The following SCUBE1 variants were observed in gnomAD, a reference collection of about 807,000 sequenced individuals.
The protein encoded by SCUBE1 is signal peptide, CUB domain and EGF like domain containing 1.
In SCUBE1, 59 loss-of-function variants were observed where a neutral mutation model predicts 124.4. The observed-to-expected ratio is 0.47, with a 90% CI of 0.38 to 0.59. The LOEUF (loss-of-function observed/expected upper bound fraction) is 0.59. Among genes scored for constraint, SCUBE1 ranks in the 20% least tolerant of loss-of-function variants. SCUBE1 has a pLI of 0.00. For missense variants in SCUBE1, 1,150 were observed against 1,371.2 expected, an observed-to-expected ratio of 0.84 and a Z score of 2.55; for synonymous variants, 545 against 550.9, an observed-to-expected ratio of 0.99 and a Z score of 0.15.
intron 4 of SCUBE1, among the ~76,000 whole-genome samples, chr22:43,268,338 C>T (rs12484304): frequency 0.12 from 18,521 of 152,284 alleles, 1,378 homozygotes; most frequent in East Asian, 0.26. Flanking sequence ...GAGGCAAGTT[C>T]AGCAGAGAGC....
chr22:43,311,935 A>G (rs1037933088), intron 3 of SCUBE1, among the ~76,000 whole-genome samples: 3 of 152,108 alleles, frequency 2.0e-5, no homozygotes, highest in Non-Finnish European at 2.9e-5. Context: ...CCTGAGTAAG[A>G]CTTAGGCAAA....
Position 43,220,633 on chromosome 22 carries a change from G to A in SCUBE1, c.1550-46C>T. On this transcript the variant is annotated intron_variant, in intron 13 of 21. Transcript: ENST00000360835. ...TGTGGCAAAGGCGGCATGGGGCAGG[G>A]AGCAAGGTCCTACCAAGCCCTGCAT... 3 of 1,601,856 alleles carry A rather than the reference G, an allele frequency of 1.9e-6. No individual in the cohort carries two copies. In the South Asian group the frequency reaches 3.3e-5, roughly 18 times the overall value.
At chr22:43,331,294 C>G (rs1480490498) in intron 2 of SCUBE1, among the ~76,000 whole-genome samples, 1 of 152,012 alleles carries the variant, frequency 6.6e-6, no homozygotes, top group East Asian at 1.9e-4. Context: ...ATCTGATGGC[C>G]ATAAGGTTGT....
Position 43,303,444 on chromosome 22 carries a change from C to T in SCUBE1, c.350-12264G>A, listed in dbSNP as rs144599589. Among the ~76,000 whole-genome samples, 742 of 152,352 alleles carry T rather than the reference C, an allele frequency of 4.9e-3. 3 individuals are homozygous for T. Among genetic ancestry groups the T allele is most frequent in the Non-Finnish European group, 7.5e-3 (510 of 68,034 alleles). ...TCAGCAGTCCCTCCCTGTCAGGCCCCGGGGTGGGCCTGGTGGCAACAACCA... is the reference window on the plus strand; with the variant it reads ...TCAGCAGTCCCTCCCTGTCAGGCCCTGGGGTGGGCCTGGTGGCAACAACCA... On this transcript the variant is annotated intron_variant, in intron 3 of 21. Coordinates refer to ENST00000360835, the MANE Select transcript of SCUBE1 (RefSeq NM_173050.5).
intron 4 of SCUBE1, among the ~76,000 whole-genome samples, chr22:43,275,130 C>A (rs1924452971): frequency 6.6e-6 from 1 of 152,172 alleles, no homozygotes; most frequent in Admixed American, 6.5e-5. Context: ...TGTTCTGGAG[C>A]AGGAACAAGC....
rs1452287763 is a variant in SCUBE1 at position 43,219,115 on chromosome 22, T to C, written c.1688-657A>G. On this transcript the variant is annotated intron_variant, in intron 14 of 21. Transcript: ENST00000360835. Reference sequence around the variant, plus strand: ...ATATTTGTCTCTTCCAAACCTCATGTTGAAATCTGATCCCTAATGCTGGGG... The same window carrying C: ...ATATTTGTCTCTTCCAAACCTCATGCTGAAATCTGATCCCTAATGCTGGGG... Among the ~76,000 whole-genome samples, 3 of 152,330 alleles carry C rather than the reference T, an allele frequency of 2.0e-5. No homozygotes were observed. In the East Asian group the frequency reaches 5.8e-4, roughly 29 times the overall value.
chr22:43,307,655 G>A (rs1170154290), intron 3 of SCUBE1, among the ~76,000 whole-genome samples: 2 of 152,198 alleles, frequency 1.3e-5, no homozygotes, highest in African/African-American at 2.4e-5. Context: ...CAGAGGTAGA[G>A]ACAGGTTCCA....
At chr22:43,239,350 G>T (rs1422405832) in intron 6 of SCUBE1, among the ~76,000 whole-genome samples, 1 of 152,280 alleles carries the variant, frequency 6.6e-6, no homozygotes, top group Non-Finnish European at 1.5e-5. Flanking sequence ...CCAAGTCCAG[G>T]CTAGAGGTTA....
At chr22:43,279,421 C>A (rs1158853255) in intron 4 of SCUBE1, among the ~76,000 whole-genome samples, 1 of 152,214 alleles carries the variant, frequency 6.6e-6, no homozygotes, top group East Asian at 1.9e-4. Flanking sequence ...TATTTTTAAG[C>A]CCACCACAGA....
At chr22:43,207,716 G>A (rs1921350213) in intron 20 of SCUBE1, 103 bp from the exon 21 acceptor site, 9 of 888,418 alleles carry the variant, frequency 1.0e-5, no homozygotes, top group African/African-American at 1.6e-5. Context: ...CTCCAGCCAC[G>A]GGCTCTGGGC....
Position 43,218,317 on chromosome 22 carries a change from G to T in SCUBE1, c.1829C>A (p.Ala610Asp), listed in dbSNP as rs749095995. 12 of 1,613,242 alleles carry T rather than the reference G, an allele frequency of 7.4e-6. No individual in the cohort carries two copies. The highest frequency in any genetic ancestry group is 1.0e-5 in the Non-Finnish European group (12 of 1,180,052). Residue 610 changes from alanine to aspartate, a missense_variant, in exon 15 of 22, where the codon GCC becomes GAC. Around this residue, in one of 3 missense-constraint regions of SCUBE1, gnomAD observed 757 missense variants for 840.9 expected, o/e 0.90. Transcript: ENST00000360835. ...GTEYEVAQRPAKALEGQGACG... is the reference protein window; with the variant it reads ...GTEYEVAQRPDKALEGQGACG... Reference sequence around the variant, plus strand: ...TGCCCCCTGCCCCTCCAGCGCCTTGGCTGGCCTCTGGGCTACCTCGTACTC... The same window carrying T: ...TGCCCCCTGCCCCTCCAGCGCCTTGTCTGGCCTCTGGGCTACCTCGTACTC...
chr22:43,235,930 C>G (rs557737702), intron 7 of SCUBE1, among the ~76,000 whole-genome samples: 1 of 152,104 alleles, frequency 6.6e-6, no homozygotes, highest in Non-Finnish European at 1.5e-5. Flanking sequence ...CCCTCGTCCC[C>G]GACATTTGGA....
Position 43,222,678 on chromosome 22 carries a change from T to C in SCUBE1, c.1392A>G (p.Lys464=), listed in dbSNP as rs774524339. ...CGAGGCCAGAGCTGGTGCCGTTGCG[T>C]TTCTGCAGCGCCTTGCCCTGCGGCC... is the stretch of plus-strand genomic sequence containing the variant. ...VPGPQGKALQ[K]RNGTSSGLGP... The change falls in exon 12 of 22, where the codon AAA becomes AAG. Residue 464 remains lysine, a synonymous_variant. Transcript: ENST00000360835. 12 of 1,604,702 alleles carry C rather than the reference T, an allele frequency of 7.5e-6. No homozygotes were observed. Among genetic ancestry groups the C allele is most frequent in the Non-Finnish European group, 9.4e-6 (11 of 1,176,408 alleles).
intron 15 of SCUBE1, 36 bp downstream of exon 15, chr22:43,218,217 CAG>C (rs749848924): frequency 6.3e-7 from 1 of 1,596,418 alleles, no homozygotes; most frequent in South Asian, 1.1e-5. Context: ...CAAGGAAGGA[CAG>C]AGTCAGCATC....
rs757642559 is a variant in SCUBE1 at position 43,238,930 on chromosome 22, C to T, written c.752G>A (p.Gly251Asp). Residue 251 changes from glycine to aspartate, a missense_variant, in exon 7 of 22, where the codon GGC becomes GAC. By Grantham distance (94) the Gly-to-Asp change is moderately conservative. Transcript: ENST00000360835. ...TGTGTCCTTGCATGTCCGGTCGCAGCCTCCGTTATTGACTGCGCACGTCTC... is the reference window on the plus strand; with the variant it reads ...TGTGTCCTTGCATGTCCGGTCGCAGTCTCCGTTATTGACTGCGCACGTCTC... ...CIETCAVNNG[G>D]CDRTCKDTAT... The T allele has an allele frequency of 1.1e-5, 18 of 1,612,978 alleles. No individual in the cohort carries two copies. The highest frequency in any genetic ancestry group is 1.5e-5 in the Non-Finnish European group (18 of 1,179,890).
chr22:43,328,574 A>C (rs898156652), intron 2 of SCUBE1, among the ~76,000 whole-genome samples: 1 of 152,170 alleles, frequency 6.6e-6, no homozygotes, highest in African/African-American at 2.4e-5. Context: ...GGATTTTATC[A>C]AGGTGTAACT....
At position 43,210,910 on chromosome 22, in the gene SCUBE1, A is replaced by G; in HGVS notation, c.2383+12T>C. The stretch of plus-strand genomic sequence containing the variant: ...TGTTCCCAGCTTCCCACGGCAGAGC[A>G]GCAGCACCCACTTTTGCAGTGTGTG... On this transcript the variant is annotated intron_variant, in intron 18 of 21. Transcript: ENST00000360835. This position sits in a 1 kb window ranked among gnomAD's most constrained non-coding sequence, Gnocchi z 4.5. The G allele has an allele frequency of 6.2e-7, 1 of 1,612,138 alleles. No individual in the cohort carries two copies. The highest frequency in any genetic ancestry group is 1.7e-5 in the Admixed American group (1 of 59,972).
chr22:43,291,318 T>C, intron 3 of SCUBE1, 138 bp from the exon 4 acceptor site: 1 of 890,484 alleles, frequency 1.1e-6, no homozygotes, highest in South Asian at 1.6e-5. Context: ...GCCTCCCTGG[T>C]GCTGTGTGAT....
chr22:43,288,314 T>C (rs1156716822), intron 4 of SCUBE1, among the ~76,000 whole-genome samples: 2 of 151,992 alleles, frequency 1.3e-5, no homozygotes, highest in Non-Finnish European at 2.9e-5. Context: ...CACTGCACAA[T>C]TTATGAGATG....
Sources: allele counts gnomAD v4.1 joint callset (sites outside exome capture counted in the v4.1 genomes callset), GRCh38; gene constraint gnomAD v4.1.1; regional missense constraint gnomAD v4.1.1; non-coding constraint Gnocchi (gnomAD v3.1); transcripts MANE v1.5; gene names NCBI Gene and HGNC (gene_info 2026-07-23, HGNC 2026-07-21).